Variants in GPHN observed in about 807,000 individuals in gnomAD.
The protein encoded by GPHN is gephyrin.
A neutral mutation model predicts 95.5 loss-of-function variants in GPHN; 17 were observed. The ratio of observed to expected loss-of-function variants is 0.18; its 90% CI spans 0.12 to 0.27. The LOEUF (loss-of-function observed/expected upper bound fraction) is 0.27, where lower values mean the gene tolerates loss of function less well. GPHN is among the 10% of genes least tolerant of loss of function. The pLI, the probability that GPHN is intolerant of heterozygous loss-of-function variation, is 1.00. For missense variants in GPHN, 660 were observed against 978.1 expected (o/e 0.67, Z 4.34); for synonymous variants, 320 against 322.5 (o/e 0.99, Z 0.08).
chr14:66,987,996 C>T (rs1415669859), intron 9 of GPHN, among the ~76,000 whole-genome samples: 1 of 152,072 alleles, frequency 6.6e-6, no homozygotes, highest in East Asian at 1.9e-4. Flanking sequence ...AGGATACTCT[C>T]TCAGAGTAAA....
chr14:67,244,358 C>T, the GPHN span, among the ~76,000 whole-genome samples: 1 of 152,228 alleles, frequency 6.6e-6, no homozygotes, highest in Non-Finnish European at 1.5e-5. Context: ...TAATCATTTA[C>T]ATTCCTGCAA....
At chr14:67,324,900 T>A in the GPHN span, among the ~76,000 whole-genome samples, 1 of 135,070 alleles carries the variant, frequency 7.4e-6, no homozygotes, top group Non-Finnish European at 1.6e-5. Flanking sequence ...TCCTTTCATT[T>A]TTTTTTTTTT....
chr14:67,055,734 C>G (rs1435969547), intron 10 of GPHN, among the ~76,000 whole-genome samples: 1 of 152,216 alleles, frequency 6.6e-6, no homozygotes, highest in African/African-American at 2.4e-5. Flanking sequence ...GTCTCGCTGA[C>G]TTCAAGAATG....
the GPHN span, chr14:67,374,687 G>A: frequency 2.0e-6 from 1 of 511,768 alleles, no homozygotes; most frequent in East Asian, 3.2e-5. Context: ...GTGTTTTGAA[G>A]CCGTTTTAGG....
intron 1 of GPHN, among the ~76,000 whole-genome samples, chr14:66,668,969 C>T (rs1194521880): frequency 1.3e-5 from 2 of 151,366 alleles, no homozygotes; most frequent in Admixed American, 1.3e-4. Flanking sequence ...CAACCTCTGC[C>T]TCCCAGGTTC....
At chr14:67,183,627 G>A (rs903890950), downstream of GPHN, among the ~76,000 whole-genome samples, 3 of 151,816 alleles carry the variant, frequency 2.0e-5, no homozygotes, top group Non-Finnish European at 2.9e-5. Context: ...GCAGTGGCGC[G>A]ATCTCAGCTC....
At chr14:66,904,962 T>C (rs2065304083) in intron 5 of GPHN, among the ~76,000 whole-genome samples, 1 of 152,158 alleles carries the variant, frequency 6.6e-6, no homozygotes, top group African/African-American at 2.4e-5. Context: ...ATTTATATCC[T>C]TGTGAAGATT....
At chr14:66,984,307 A>G (rs2070877772) in intron 9 of GPHN, among the ~76,000 whole-genome samples, 1 of 152,204 alleles carries the variant, frequency 6.6e-6, no homozygotes. Context: ...ACTCACTCTG[A>G]ATTCACTCCA....
At chr14:66,705,564 G>A (rs117517149) in intron 2 of GPHN, among the ~76,000 whole-genome samples, 1,948 of 152,014 alleles carry the variant, frequency 0.013, 25 homozygotes, top group Middle Eastern at 0.017. Context: ...AAGACAAAAC[G>A]CACATAATTA....
At chr14:66,557,867 T>A (rs1331885196) in intron 1 of GPHN, among the ~76,000 whole-genome samples, 1 of 152,214 alleles carries the variant, frequency 6.6e-6, no homozygotes, top group Non-Finnish European at 1.5e-5. Flanking sequence ...ATTAATACAA[T>A]CTAGTAGTTG....
At chr14:67,218,140 G>C in the GPHN span, among the ~76,000 whole-genome samples, 3 of 152,194 alleles carry the variant, frequency 2.0e-5, no homozygotes, top group East Asian at 5.8e-4. Context: ...CTCAGGTCAA[G>C]GACAGACAGG....
chr14:67,091,354 T>C (rs1179497544), intron 12 of GPHN, among the ~76,000 whole-genome samples: 1 of 152,016 alleles, frequency 6.6e-6, no homozygotes, highest in Non-Finnish European at 1.5e-5. Flanking sequence ...TATTTTATTC[T>C]TGTGATAGCT....
the GPHN span, among the ~76,000 whole-genome samples, chr14:67,365,912 G>A: frequency 5.7e-4 from 86 of 152,192 alleles, no homozygotes; most frequent in East Asian, 6.0e-3. Context: ...GATGTCTTAT[G>A]CCTTAGGTAG....
chr14:67,005,355 A>G (rs1055114978), intron 9 of GPHN, among the ~76,000 whole-genome samples: 35 of 152,000 alleles, frequency 2.3e-4, no homozygotes, highest in African/African-American at 7.0e-4. Context: ...TCCTTGAGAA[A>G]GAATTTACAT....
At chr14:67,228,270 G>C in the GPHN span, 1 of 218,674 alleles carries the variant, frequency 4.6e-6, no homozygotes, top group Non-Finnish European at 7.7e-6. Flanking sequence ...TTTATATCAA[G>C]AAGAAAAGTT....
At chr14:66,705,282 T>A (rs770405312) in intron 2 of GPHN, among the ~76,000 whole-genome samples, 38 of 93,436 alleles carry the variant, frequency 4.1e-4, no homozygotes, top group South Asian at 1.4e-3. Flanking sequence ...TCCAAACAGT[T>A]GAAAAGGAGG....
chr14:66,745,862 C>T (rs545396739), intron 2 of GPHN, among the ~76,000 whole-genome samples: 1 of 151,984 alleles, frequency 6.6e-6, no homozygotes, highest in African/African-American at 2.4e-5. Context: ...TTAATAGTCA[C>T]ATCATCACTC....
At chr14:66,898,657 T>C (rs1231003548) in intron 5 of GPHN, among the ~76,000 whole-genome samples, 1 of 151,892 alleles carries the variant, frequency 6.6e-6, no homozygotes, top group East Asian at 1.9e-4. Context: ...GTCTTGAAAT[T>C]GCATAGACAG....
At chr14:66,532,333 A>G (rs542416651) in intron 1 of GPHN, among the ~76,000 whole-genome samples, 5 of 152,298 alleles carry the variant, frequency 3.3e-5, no homozygotes, top group African/African-American at 1.2e-4. Context: ...GGGTCTTTCT[A>G]TATGGCTGAT....
Sources: gnomAD v4.1 joint callset for allele counts (sites outside exome capture counted in the v4.1 genomes callset) on GRCh38, gnomAD v4.1.1 for gene constraint, MANE v1.5 for transcripts, NCBI Gene and HGNC (gene_info 2026-07-23, HGNC 2026-07-21) for gene names.